The following PAPSS1 variants were observed in gnomAD, a reference collection of about 807,000 sequenced individuals.
The protein encoded by PAPSS1 is bifunctional 3'-phosphoadenosine 5'-phosphosulfate synthase 1.
In PAPSS1, 50 loss-of-function variants were observed where a neutral mutation model predicts 72.0. The observed-to-expected ratio is 0.69, with a 90% CI of 0.55 to 0.88. PAPSS1 has a LOEUF of 0.88. PAPSS1 is among the 40% of genes least tolerant of loss of function. PAPSS1 has a pLI of 0.00. For missense variants in PAPSS1, 657 were observed against 782.2 expected, an observed-to-expected ratio of 0.84 and a Z score of 1.91; for synonymous variants, 261 against 263.6, an observed-to-expected ratio of 0.99 and a Z score of 0.09.
intron 4 of PAPSS1, among the ~76,000 whole-genome samples, chr4:107,682,685 C>T (rs1420025808): frequency 6.6e-6 from 1 of 152,064 alleles, no homozygotes; most frequent in Non-Finnish European, 1.5e-5. Context: ...CCAGGTGATC[C>T]AAGGCATCTC....
chr4:107,663,375 A>T (rs1298282581), intron 5 of PAPSS1, among the ~76,000 whole-genome samples: 1 of 152,004 alleles, frequency 6.6e-6, no homozygotes, highest in Non-Finnish European at 1.5e-5. Context: ...CCAGTTGTTT[A>T]AAAAAAAGTA....
chr4:107,661,198 A>T (rs1727171617), intron 5 of PAPSS1, among the ~76,000 whole-genome samples: 1 of 152,210 alleles, frequency 6.6e-6, no homozygotes, highest in Admixed American at 6.5e-5. Flanking sequence ...AACACTGACA[A>T]CATCTAATGT....
At chr4:107,666,983 C>G (rs1359203297) in intron 5 of PAPSS1, among the ~76,000 whole-genome samples, 1 of 152,104 alleles carries the variant, frequency 6.6e-6, no homozygotes, top group Non-Finnish European at 1.5e-5. Flanking sequence ...GGACTCTTGG[C>G]TGAAGGGCTC....
chr4:107,683,977 A>C (rs10024009), intron 4 of PAPSS1, among the ~76,000 whole-genome samples: 55,425 of 126,488 alleles, frequency 0.44, 10,572 homozygotes, highest in East Asian at 0.5. Flanking sequence ...CACACACACA[A>C]ACACACATTA....
At position 107,654,816 on chromosome 4, in the gene PAPSS1, G is replaced by A. The variant is rs1726953984; in HGVS notation, c.980C>T (p.Ala327Val). ...KERLDGCTAF[A>V]LMYEGRRVAI... is the part of the protein sequence containing the mutation. ...CACACGGCGGCCCTCATACATCAGA[G>A]CAAATGCTGTACAGCCGTCCAGCCT... The change falls in exon 8 of 12, where the codon GCT becomes GTT. Residue 327 changes from alanine to valine, a missense_variant. Coordinates refer to ENST00000265174, the MANE Select transcript of PAPSS1 (RefSeq NM_005443.5). 2 of 1,613,802 alleles carry A rather than the reference G, an allele frequency of 1.2e-6. No homozygotes were observed. Among genetic ancestry groups the A allele is most frequent in the South Asian group, 2.2e-5 (2 of 91,082 alleles).
At chr4:107,643,593 C>T (rs1049558598) in intron 10 of PAPSS1, among the ~76,000 whole-genome samples, 2 of 152,114 alleles carry the variant, frequency 1.3e-5, no homozygotes, top group African/African-American at 4.8e-5. Flanking sequence ...AGTCTGCTCT[C>T]AGGGTATCCA....
intron 5 of PAPSS1, among the ~76,000 whole-genome samples, chr4:107,663,527 C>T (rs1727242408): frequency 1.3e-5 from 2 of 152,108 alleles, no homozygotes; most frequent in Admixed American, 6.6e-5. Flanking sequence ...AATTTTAGTC[C>T]ATTAATCTTC....
At chr4:107,631,156 G>A (rs984076048) in intron 11 of PAPSS1, among the ~76,000 whole-genome samples, 2 of 152,174 alleles carry the variant, frequency 1.3e-5, no homozygotes, top group Admixed American at 1.3e-4. Flanking sequence ...AAATCTGAAG[G>A]AATCCAAAAT....
intron 5 of PAPSS1, among the ~76,000 whole-genome samples, chr4:107,665,048 A>T (rs1019861439): frequency 6.6e-6 from 1 of 152,212 alleles, no homozygotes; most frequent in Non-Finnish European, 1.5e-5. Flanking sequence ...AAACATTCGA[A>T]AGGTTGCTAC....
chr4:107,617,204 C>T (rs557728162), intron 11 of PAPSS1, among the ~76,000 whole-genome samples: 109 of 144,500 alleles, frequency 7.5e-4, no homozygotes, highest in Admixed American at 4.2e-3. Context: ...TATGAGTCTT[C>T]GGCTTTTTTT....
At chr4:107,677,121 A>G (rs959483754) in intron 5 of PAPSS1, among the ~76,000 whole-genome samples, 2 of 152,232 alleles carry the variant, frequency 1.3e-5, no homozygotes, top group African/African-American at 4.8e-5. Context: ...GGACATAGGC[A>G]TGGGCAAGGA....
chr4:107,717,789 C>T (rs1256686272), intron 1 of PAPSS1, among the ~76,000 whole-genome samples: 2 of 152,214 alleles, frequency 1.3e-5, no homozygotes, highest in African/African-American at 4.8e-5. Flanking sequence ...CCCCACTTCC[C>T]AGACCAAAAC....
intron 4 of PAPSS1, among the ~76,000 whole-genome samples, 178 bp from the exon 5 acceptor site, chr4:107,682,311 A>C (rs1722643751): frequency 6.6e-6 from 1 of 151,844 alleles, no homozygotes; most frequent in African/African-American, 2.4e-5. Context: ...TTTTTCCTGC[A>C]CTGGGGGCCA....
At chr4:107,698,355 A>C (rs1037315854) in intron 2 of PAPSS1, among the ~76,000 whole-genome samples, 7 of 152,226 alleles carry the variant, frequency 4.6e-5, no homozygotes, top group Non-Finnish European at 1.0e-4. Context: ...ACAACTGACA[A>C]GCTTAATCTA....
chr4:107,697,870 G>A (rs573621456), intron 2 of PAPSS1, among the ~76,000 whole-genome samples: 4 of 152,184 alleles, frequency 2.6e-5, no homozygotes, highest in African/African-American at 9.6e-5. Context: ...ACTGGATTAG[G>A]GTGATCCAAC....
chr4:107,718,086 C>G lies in PAPSS1; in HGVS notation c.60+2034G>C, dbSNP rs192303008. Among the ~76,000 whole-genome samples, 268 of 152,340 alleles carry G rather than the reference C, an allele frequency of 1.8e-3. 3 individuals carry two copies. Among genetic ancestry groups the G allele is most frequent in the African/African-American group, 6.1e-3 (254 of 41,586 alleles). On this transcript the variant is annotated intron_variant, in intron 1 of 11. Coordinates refer to ENST00000265174, the MANE Select transcript of PAPSS1 (RefSeq NM_005443.5). ...CAGGGTCTACATTTCTTCAGCGGAA[C>G]ATTCTTCCTGGATTACCAATTTTAT...
At chr4:107,672,865 T>G (rs1727527102) in intron 5 of PAPSS1, among the ~76,000 whole-genome samples, 1 of 152,134 alleles carries the variant, frequency 6.6e-6, no homozygotes, top group Non-Finnish European at 1.5e-5. Flanking sequence ...AGAAAAAACT[T>G]CCAGAGGAAC....
At position 107,635,158 on chromosome 4, in the gene PAPSS1, T is replaced by C. The variant is rs184863026; in HGVS notation, c.1507-3298A>G. Among the ~76,000 whole-genome samples, 459 of 152,344 alleles carry C rather than the reference T, an allele frequency of 3.0e-3. 2 individuals carry two copies. The highest frequency in any genetic ancestry group is 0.01 in the Middle Eastern group (3 of 294). On this transcript the variant is annotated intron_variant, in intron 10 of 11. Coordinates refer to ENST00000265174, the MANE Select transcript of PAPSS1 (RefSeq NM_005443.5). ...GTTTTATTTTTCCTTATTTTTTATA[T>C]TCTATTAGCCTTGACTAAAACATGA...
intron 5 of PAPSS1, among the ~76,000 whole-genome samples, chr4:107,671,174 A>C (rs1202284688): frequency 6.6e-6 from 1 of 152,210 alleles, no homozygotes; most frequent in Admixed American, 6.5e-5. Context: ...CCCTGAATAC[A>C]GTGCGGAATC....
Sources: allele counts gnomAD v4.1 joint callset (sites outside exome capture counted in the v4.1 genomes callset), GRCh38; gene constraint gnomAD v4.1.1; transcripts MANE v1.5; gene names NCBI Gene and HGNC (gene_info 2026-07-23, HGNC 2026-07-21).